AZI2: variants seen among roughly 807,000 people sequenced by gnomAD.
AZI2 encodes the protein 5-azacytidine induced 2.
In AZI2, 22 loss-of-function variants were observed where a neutral mutation model predicts 45.8. That is an observed-to-expected ratio of 0.48 (90% CI 0.34 to 0.69). The LOEUF (loss-of-function observed/expected upper bound fraction) is 0.69. Ranked by LOEUF, AZI2 falls within the 30% of genes least tolerant of loss-of-function variation. The pLI, the probability that AZI2 is intolerant of heterozygous loss-of-function variation, is 0.01. For missense variants in AZI2, 417 were observed against 441.5 expected (o/e 0.94, Z 0.50); for synonymous variants, 137 against 156.7 (o/e 0.87, Z 0.94).
At chr3:28,340,664 G>A in intron 1 of AZI2, 42 bp from the exon 2 acceptor site, 1 of 1,448,408 alleles carries the variant, frequency 6.9e-7, no homozygotes, top group Non-Finnish European at 9.4e-7. Context: ...ATGTCTCACT[G>A]AATAAGTGAA....
intron 1 of AZI2, among the ~76,000 whole-genome samples, chr3:28,344,106 C>CAAAT: frequency 6.6e-6 from 1 of 152,070 alleles, no homozygotes; most frequent in Middle Eastern, 3.4e-3. Flanking sequence ...AATTGCTTAT[C>CAAAT]TGTCCTAAAA....
At chr3:28,338,143 C>T (rs2125657385) in intron 3 of AZI2, 107 bp from the exon 4 acceptor site, 2 of 566,690 alleles carry the variant, frequency 3.5e-6, no homozygotes, top group Non-Finnish European at 5.5e-6. Flanking sequence ...TCTTTAAAAG[C>T]AAGGTGACAA....
intron 1 of AZI2, among the ~76,000 whole-genome samples, chr3:28,344,840 T>G (rs1306342001): frequency 6.6e-6 from 1 of 152,106 alleles, no homozygotes; most frequent in Non-Finnish European, 1.5e-5. Flanking sequence ...AAATTAAAAT[T>G]ACCAAAGACT....
chr3:28,343,544 T>G (rs1030544618), intron 1 of AZI2, among the ~76,000 whole-genome samples: 1 of 152,032 alleles, frequency 6.6e-6, no homozygotes, highest in Non-Finnish European at 1.5e-5. Context: ...GATTTTTTTT[T>G]TTTAATTCAC....
At chr3:28,334,861 C>T (rs2125650994) in intron 5 of AZI2, among the ~76,000 whole-genome samples, 1 of 151,996 alleles carries the variant, frequency 6.6e-6, no homozygotes, top group South Asian at 2.1e-4. Flanking sequence ...ACTGAACATA[C>T]TATATAATGG....
chr3:28,337,827 A>T, intron 4 of AZI2, 110 bp downstream of exon 4: 2 of 581,914 alleles, frequency 3.4e-6, no homozygotes, highest in Admixed American at 3.9e-5. Flanking sequence ...CTAAAAATTA[A>T]AAAATAAGTT....
intron 2 of AZI2, among the ~76,000 whole-genome samples, chr3:28,339,306 A>ATG (rs1703920799): frequency 1.3e-5 from 2 of 152,084 alleles, no homozygotes. Flanking sequence ...TAAGAAATAG[A>ATG]TGTGTGTGTT....
chr3:28,341,180 AAATT>A (rs1171950219), intron 1 of AZI2, among the ~76,000 whole-genome samples: 7 of 152,126 alleles, frequency 4.6e-5, no homozygotes, highest in South Asian at 2.1e-4. Flanking sequence ...AATAGAAGAC[AAATT>A]AATTAACATT....
intron 7 of AZI2, 32 bp downstream of exon 7, chr3:28,326,800 G>T: frequency 1.3e-6 from 2 of 1,504,672 alleles, no homozygotes; most frequent in South Asian, 2.3e-5. Flanking sequence ...AGTTTGGCTG[G>T]AATCAGTGGT....
At chr3:28,336,236 G>A (rs917120698) in intron 5 of AZI2, among the ~76,000 whole-genome samples, 6 of 152,032 alleles carry the variant, frequency 3.9e-5, no homozygotes, top group African/African-American at 1.4e-4. Flanking sequence ...ATATTTGCTG[G>A]TAGTTAAAGA....
intron 1 of AZI2, among the ~76,000 whole-genome samples, chr3:28,341,007 TA>T (rs2125663468): frequency 6.6e-6 from 1 of 152,180 alleles, no homozygotes; most frequent in South Asian, 2.1e-4. Context: ...CATTTCCACT[TA>T]GATCTATTAG....
At chr3:28,332,098 C>T in intron 6 of AZI2, 1 of 613,378 alleles carries the variant, frequency 1.6e-6, no homozygotes, top group Non-Finnish European at 2.8e-6. Context: ...AGAATACCTC[C>T]ACATAGCTAG....
chr3:28,325,154 A>T (rs973209695), intron 7 of AZI2: 3 of 150,580 alleles, frequency 2.0e-5, no homozygotes, highest in African/African-American at 7.3e-5. Flanking sequence ...AGCCAAAAAA[A>T]AAAAGTTTTG....
At chr3:28,333,316 G>C (rs1703657567) in intron 5 of AZI2, among the ~76,000 whole-genome samples, 1 of 151,522 alleles carries the variant, frequency 6.6e-6, no homozygotes, top group African/African-American at 2.4e-5. Context: ...CTGGATCTCT[G>C]ATTTTAATAC....
At chr3:28,328,313 C>T (rs1037450841) in intron 6 of AZI2, among the ~76,000 whole-genome samples, 3 of 151,082 alleles carry the variant, frequency 2.0e-5, no homozygotes, top group Non-Finnish European at 3.0e-5. Context: ...TTGTTGGTTT[C>T]TTGGTACAAT....
At position 28,337,937 on chromosome 3, in the gene AZI2, C is replaced by G; in HGVS notation, c.439G>C (p.Val147Leu). 1 of 1,535,556 alleles carries G rather than the reference C, an allele frequency of 6.5e-7. No homozygotes were observed. The change falls in exon 4 of 8, where the codon GTG becomes CTG. Residue 147 changes from valine to leucine, a missense_variant and splice_region_variant. Val to Leu is a conservative substitution (Grantham distance 32). Transcript: ENST00000479665. ...TATTTATAACAAGTAACTGGCATAC[C>G]CTGCTGAGTTTCCACCTCTGTCCTC... ...QLRTEVETQQVMRNLNPPSSN... is the reference protein window; with the variant it reads ...QLRTEVETQQLMRNLNPPSSN...
chr3:28,346,676 G>A (rs1051642294), intron 1 of AZI2, among the ~76,000 whole-genome samples: 21 of 152,046 alleles, frequency 1.4e-4, no homozygotes, highest in Non-Finnish European at 2.1e-4. Context: ...GGATATTCCC[G>A]AACCTATTTC....
chr3:28,340,926 T>C lies in AZI2; in HGVS notation c.-5-304A>G, dbSNP rs1280086058. On this transcript the variant is annotated intron_variant, in intron 1 of 7. Coordinates refer to ENST00000479665, the MANE Select transcript of AZI2 (RefSeq NM_022461.5). ...ATTATTAGTATGTTCTATAAAAATC[T>C]GAAATATCAGTTTCATTAAAACAAT... 2.0e-5 allele frequency among the ~76,000 whole-genome samples: 3 copies of C among 152,046 alleles called. No homozygotes were observed. The East Asian group carries it at 5.8e-4, about 29-fold the overall frequency.
In AZI2 at chr3:28,323,719, C is replaced by T. The variant is rs2125631901; in HGVS notation, c.*323G>A. 5.1e-6 allele frequency: 1 copy of T among 194,726 alleles called. No homozygotes were observed. The highest frequency in any genetic ancestry group is 1.2e-4 in the East Asian group (1 of 8,210). 12.1% of individuals were successfully genotyped at this position (194,726 alleles called of 1,614,324 possible). On this transcript the variant is annotated 3_prime_UTR_variant, in exon 8 of 8. Transcript: ENST00000479665. ...TTCACATTTTGTAAAACCACGTCTA[C>T]AATCTCCAATTCCATTCTTCTGAGA...
Sources: allele counts gnomAD v4.1 joint callset (sites outside exome capture counted in the v4.1 genomes callset), GRCh38; gene constraint gnomAD v4.1.1; transcripts MANE v1.5; gene names NCBI Gene and HGNC (gene_info 2026-07-23, HGNC 2026-07-21).